The following GGT5 variants were observed in gnomAD, a reference collection of about 807,000 sequenced individuals.
GGT5 encodes the protein gamma-glutamyltransferase 5, also known as glutathione hydrolase 5 proenzyme.
GGT5 carries 50 observed loss-of-function variants against 58.1 expected under a neutral mutation model. That is an observed-to-expected ratio of 0.86 (90% CI 0.69 to 1.09). The LOEUF is 1.09. Ranked by LOEUF, GGT5 falls within the 50% of genes least tolerant of loss-of-function variation. GGT5 has a pLI of 0.00. For synonymous variants in GGT5, 370 were observed against 346.1 expected (o/e 1.07, Z -0.77); for missense variants, 800 against 789.4 (o/e 1.01, Z -0.16).
At chr22:24,228,190 T>G (rs978036522) in intron 6 of GGT5, among the ~76,000 whole-genome samples, 6 of 151,700 alleles carry the variant, frequency 4.0e-5, no homozygotes, top group African/African-American at 1.5e-4. Flanking sequence ...TCCCAAAACT[T>G]TGGGAGGCTG....
In GGT5 at chr22:24,244,891, G is replaced by A; in HGVS notation, c.-166C>T. ...CGAAGATGGATCGACAGATAGGCCAGATAGCTAGACAAAGAGGACAGTAAG... is the reference window on the plus strand; with the variant it reads ...CGAAGATGGATCGACAGATAGGCCAAATAGCTAGACAAAGAGGACAGTAAG... On this transcript the variant is annotated 5_prime_UTR_variant, in exon 1 of 12. Transcript: ENST00000327365. 8.0e-7 allele frequency: 1 copy of A among 1,246,594 alleles called. No individual in the cohort carries two copies. The highest frequency in any genetic ancestry group is 1.1e-6 in the Non-Finnish European group (1 of 928,358). 77.2% of individuals were successfully genotyped at this position (1,246,594 alleles called of 1,614,324 possible).
At chr22:24,222,913 T>TA (rs1384238425) in intron 11 of GGT5, among the ~76,000 whole-genome samples, 3 of 151,026 alleles carry the variant, frequency 2.0e-5, no homozygotes, top group South Asian at 2.1e-4. Flanking sequence ...CTGTCTCTAC[T>TA]AAAAATACAA....
intron 1 of GGT5, chr22:24,244,317 C>CCACA (rs1057246272): frequency 5.9e-5 from 20 of 340,698 alleles, no homozygotes; most frequent in African/African-American, 4.9e-4. Flanking sequence ...ACACACACAC[C>CCACA]CACCCACACA....
In GGT5 at chr22:24,225,044, C is replaced by T. The variant is rs1464299291; in HGVS notation, c.1566G>A (p.Leu522=). 2 of 1,602,086 alleles carry T rather than the reference C, an allele frequency of 1.2e-6. No homozygotes were observed. The highest frequency in any genetic ancestry group is 1.7e-6 in the Non-Finnish European group (2 of 1,174,298). Reference sequence around the variant, plus strand: ...CCACACAGCCCTTGCTGTTGACATGCAGGATGGGGGCTGCAATGGCCGCTC... The same window carrying T: ...CCACACAGCCCTTGCTGTTGACATGTAGGATGGGGGCTGCAATGGCCGCTC... The part of the protein sequence containing the change: ...DLRAAIAAPI[L]HVNSKGCVEY... Residue 522 remains leucine, a synonymous_variant, in exon 11 of 12, where the codon CTG becomes CTA. Transcript: ENST00000327365.
chr22:24,242,659 GCA>G (rs1414197484), intron 1 of GGT5: 2 of 152,424 alleles, frequency 1.3e-5, no homozygotes, highest in Non-Finnish European at 2.9e-5. Flanking sequence ...TGAGAGGTGA[GCA>G]CAGAGGGGAG....
intron 1 of GGT5, among the ~76,000 whole-genome samples, chr22:24,236,534 C>A (rs28562380): frequency 0.024 from 3,721 of 152,286 alleles, 90 homozygotes; most frequent in Non-Finnish European, 0.032. Flanking sequence ...GAGGCCCAGG[C>A]AGGCAGATCA....
chr22:24,231,044 C>T (rs771464982), intron 6 of GGT5, among the ~76,000 whole-genome samples: 2 of 152,162 alleles, frequency 1.3e-5, no homozygotes, highest in African/African-American at 4.8e-5. Flanking sequence ...GCTGGCTTCG[C>T]TCCCCCAGGT....
At chr22:24,240,776 C>T (rs190447518) in intron 1 of GGT5, among the ~76,000 whole-genome samples, 36 of 152,200 alleles carry the variant, frequency 2.4e-4, no homozygotes, top group African/African-American at 8.7e-4. Flanking sequence ...CAGGCATGAG[C>T]CACCATGCCC....
In GGT5 at chr22:24,220,034, T is replaced by C. The variant is rs2047543499; in HGVS notation, c.1697A>G (p.Gln566Arg). The C allele has an allele frequency of 3.1e-6, 5 of 1,614,082 alleles. No homozygotes were observed. The highest frequency in any genetic ancestry group is 3.4e-6 in the Non-Finnish European group (4 of 1,179,974). Residue 566 changes from glutamine to arginine, a missense_variant, in exon 12 of 12, where the codon CAG becomes CGG. Gln to Arg is a conservative substitution (Grantham distance 43). Transcript: ENST00000327365. The stretch of plus-strand genomic sequence containing the variant: ...GACGGCGTACACACAGGCCCCCTCC[T>C]GGGACACAGCCTGGACCACGTTCAG... ...FFLNVVQAVSQEGACVYAVSD... is the reference protein window; with the variant it reads ...FFLNVVQAVSREGACVYAVSD...
intron 1 of GGT5, chr22:24,243,648 A>C (rs1029646334): frequency 1.3e-5 from 2 of 152,328 alleles, no homozygotes; most frequent in African/African-American, 4.8e-5. Flanking sequence ...TTGTGGGCCC[A>C]GTGGGAGGCA....
At chr22:24,230,942 A>G (rs546041642) in intron 6 of GGT5, among the ~76,000 whole-genome samples, 2 of 152,282 alleles carry the variant, frequency 1.3e-5, no homozygotes, top group Admixed American at 6.5e-5. Flanking sequence ...GGTGATTTGT[A>G]ATGGCAGACA....
chr22:24,228,732 G>T (rs958283908), intron 6 of GGT5, among the ~76,000 whole-genome samples: 1 of 152,020 alleles, frequency 6.6e-6, no homozygotes, highest in South Asian at 2.1e-4. Context: ...TTACAGGCGT[G>T]AGCCACCATG....
At chr22:24,233,283 C>A (rs914640814) in intron 3 of GGT5, among the ~76,000 whole-genome samples, 2 of 152,230 alleles carry the variant, frequency 1.3e-5, no homozygotes, top group Non-Finnish European at 2.9e-5. Flanking sequence ...CTTTGTCCAG[C>A]CTGGTCCCTC....
In GGT5 at chr22:24,226,678, C is replaced by G; in HGVS notation, c.991G>C (p.Gly331Arg). The change falls in exon 7 of 12, where the codon GGG becomes CGG. Residue 331 changes from glycine to arginine, a missense_variant. By Grantham distance (125) the Gly-to-Arg change is moderately radical. Transcript: ENST00000327365. ...GGGTCCCCCAGCCTCCACCTCTGCC[C>G]CTTGGCAAACTTGAGCGTCTCTACA... ...HLVETLKFAKGQRWRLGDPRS... is the reference protein window; with the variant it reads ...HLVETLKFAKRQRWRLGDPRS... 6.2e-7 allele frequency: 1 copy of G among 1,614,122 alleles called. No individual in the cohort carries two copies. Among genetic ancestry groups the G allele is most frequent in the Non-Finnish European group, 8.5e-7 (1 of 1,179,964 alleles).
chr22:24,235,609 G>A lies in GGT5; in HGVS notation c.174-1605C>T, dbSNP rs535031136. On this transcript the variant is annotated intron_variant, in intron 1 of 11. Coordinates refer to ENST00000327365, the MANE Select transcript of GGT5 (RefSeq NM_004121.5). ...ACACATGTAATCTTGGAACAGGAAA[G>A]AGAGCACAAAGCCAGAAAATGAAAT... 1.1e-4 allele frequency among the ~76,000 whole-genome samples: 16 copies of A among 152,332 alleles called. No individual in the cohort carries two copies. The East Asian group carries it at 3.1e-3, about 29-fold the overall frequency.
chr22:24,228,047 TCAAAAAAAAAAAAAAAAAACAAAA>T (rs1198556115), intron 6 of GGT5, among the ~76,000 whole-genome samples: 13 of 36,828 alleles, frequency 3.5e-4, no homozygotes, highest in South Asian at 2.1e-3. Context: ...AGACTCTGTC[TCAAAAAAAAAAAAAAAAAACAAAA>T]CAAAAAAAAA....
At chr22:24,228,600 G>A (rs2047847059) in intron 6 of GGT5, among the ~76,000 whole-genome samples, 3 of 151,524 alleles carry the variant, frequency 2.0e-5, no homozygotes, top group South Asian at 2.1e-4. Context: ...ACAGGTGCCC[G>A]CCACCACGCC....
intron 1 of GGT5, among the ~76,000 whole-genome samples, chr22:24,240,200 C>A (rs1311007324): frequency 1.3e-5 from 2 of 152,042 alleles, no homozygotes; most frequent in Non-Finnish European, 2.9e-5. Context: ...TAAAATAACC[C>A]CAAGACTGCA....
chr22:24,225,129 AG>A (rs2047711580), intron 10 of GGT5, 23 bp from the exon 11 acceptor site: 1 of 1,587,286 alleles, frequency 6.3e-7, no homozygotes, highest in Non-Finnish European at 8.6e-7. Flanking sequence ...TGAGGGTTTC[AG>A]GGAGAAAGGG....
Sources: allele counts gnomAD v4.1 joint callset (sites outside exome capture counted in the v4.1 genomes callset), GRCh38; gene constraint gnomAD v4.1.1; transcripts MANE v1.5; gene names NCBI Gene and HGNC (gene_info 2026-07-23, HGNC 2026-07-21).